The following TCERG1L variants were observed in gnomAD, a reference collection of about 807,000 sequenced individuals.
TCERG1L encodes the protein transcription elongation regulator 1 like.
A neutral mutation model predicts 56.3 loss-of-function variants in TCERG1L; 37 were observed. The observed-to-expected ratio is 0.66, with a 90% CI of 0.51 to 0.87. The LOEUF is 0.87. TCERG1L is among the 40% of genes least tolerant of loss of function. The probability of loss-of-function intolerance (pLI) is 0.00; values close to 1 mark genes in which losing one functional copy is unlikely to be tolerated. For synonymous variants in TCERG1L, 324 were observed against 326.3 expected, an observed-to-expected ratio of 0.99 and a Z score of 0.08; for missense variants, 799 against 774.2, an observed-to-expected ratio of 1.03 and a Z score of -0.38.
chr10:131,189,770 G>C (rs1382060215), intron 4 of TCERG1L, among the ~76,000 whole-genome samples: 1 of 152,098 alleles, frequency 6.6e-6, no homozygotes, highest in Non-Finnish European at 1.5e-5. Flanking sequence ...TTTTCATAGA[G>C]GTTGTACTAA....
intron 3 of TCERG1L, among the ~76,000 whole-genome samples, chr10:131,292,813 T>C (rs949997609): frequency 1.3e-5 from 2 of 152,044 alleles, no homozygotes; most frequent in African/African-American, 4.8e-5. Flanking sequence ...TAATGTGTTT[T>C]CGTGTCCATG....
At chr10:131,235,176 GAAA>G (rs1845900456) in intron 4 of TCERG1L, among the ~76,000 whole-genome samples, 2 of 152,202 alleles carry the variant, frequency 1.3e-5, no homozygotes, top group African/African-American at 4.8e-5. Context: ...CATCAACCAT[GAAA>G]ATGCTTATGC....
chr10:131,187,961 T>C (rs943690361), intron 4 of TCERG1L, among the ~76,000 whole-genome samples: 2 of 152,204 alleles, frequency 1.3e-5, no homozygotes, highest in African/African-American at 2.4e-5. Context: ...GGGGTAGATT[T>C]GGAGCTGAGT....
At position 131,113,555 on chromosome 10, in the gene TCERG1L, T is replaced by C. The variant is rs999583822; in HGVS notation, c.1395+3244A>G. Among the ~76,000 whole-genome samples the C allele has an allele frequency of 2.8e-5, 4 of 142,352 alleles. No homozygotes were observed. In the South Asian group the frequency reaches 7.8e-4, roughly 28 times the overall value. 93.4% of individuals were successfully genotyped at this position (142,352 alleles called of 152,430 possible). On this transcript the variant is annotated intron_variant, in intron 9 of 11. Coordinates refer to ENST00000368642, the MANE Select transcript of TCERG1L (RefSeq NM_174937.4). ...ACAGCCTCGCTGTCAACACCCATCT[T>C]AGCACAAGGAGAAATCGTCACAGCG...
intron 3 of TCERG1L, among the ~76,000 whole-genome samples, chr10:131,286,869 C>T (rs1219326008): frequency 6.6e-6 from 1 of 152,188 alleles, no homozygotes. Flanking sequence ...ACATGGGAGG[C>T]GTTAGCTCCA....
chr10:131,127,447 G>A (rs546920364), intron 8 of TCERG1L, among the ~76,000 whole-genome samples: 31 of 152,348 alleles, frequency 2.0e-4, no homozygotes, highest in Admixed American at 2.6e-4. Context: ...AGAGGCAGAC[G>A]TGAGCAGAAG....
chr10:131,176,954 G>T (rs1298329235), intron 4 of TCERG1L, among the ~76,000 whole-genome samples: 1 of 30,744 alleles, frequency 3.3e-5, no homozygotes, highest in African/African-American at 3.2e-4. Context: ...ACCAAGACAC[G>T]TGTACACACA....
intron 3 of TCERG1L, among the ~76,000 whole-genome samples, chr10:131,291,395 GCATTT>G (rs1302561217): frequency 2.2e-4 from 18 of 82,688 alleles, no homozygotes; most frequent in Middle Eastern, 0.011. Flanking sequence ...TCCATAAACA[GCATTT>G]CTTTTTTTTT....
chr10:131,282,489 G>A (rs1447235068), intron 3 of TCERG1L, among the ~76,000 whole-genome samples: 2 of 152,068 alleles, frequency 1.3e-5, no homozygotes, highest in East Asian at 1.9e-4. Context: ...CATAGCACCA[G>A]GAAGACAAGA....
intron 3 of TCERG1L, among the ~76,000 whole-genome samples, chr10:131,274,681 C>T (rs1056496261): frequency 2.0e-5 from 3 of 152,174 alleles, no homozygotes; most frequent in Admixed American, 6.5e-5. Flanking sequence ...TACTCACAGA[C>T]GTCAACTTTC....
intron 4 of TCERG1L, among the ~76,000 whole-genome samples, chr10:131,226,040 T>C (rs1220011455): frequency 1.3e-5 from 2 of 152,152 alleles, no homozygotes; most frequent in Non-Finnish European, 2.9e-5. Context: ...TGGGCTCAAG[T>C]GATCCTCCAG....
At chr10:131,207,766 C>A (rs1845557681) in intron 4 of TCERG1L, among the ~76,000 whole-genome samples, 2 of 152,132 alleles carry the variant, frequency 1.3e-5, no homozygotes, top group African/African-American at 4.8e-5. Context: ...GGAACCAGGA[C>A]CGCCCTCACA....
At chr10:131,190,085 C>T (rs568364284) in intron 4 of TCERG1L, among the ~76,000 whole-genome samples, 31 of 151,936 alleles carry the variant, frequency 2.0e-4, no homozygotes, top group African/African-American at 5.5e-4. Context: ...ACAATGAAGC[C>T]GGAGACATTA....
At chr10:131,096,525 A>G (rs765359732) in intron 11 of TCERG1L, among the ~76,000 whole-genome samples, 8 of 152,230 alleles carry the variant, frequency 5.3e-5, no homozygotes, top group Non-Finnish European at 8.8e-5. Flanking sequence ...AACTTAGGTC[A>G]CCTAATTCTT....
intron 4 of TCERG1L, among the ~76,000 whole-genome samples, chr10:131,202,098 T>C (rs72849729): frequency 0.094 from 14,379 of 152,252 alleles, 914 homozygotes; most frequent in Non-Finnish European, 0.13. Flanking sequence ...TTAATCCATT[T>C]CTTTCCAGAA....
chr10:131,185,962 A>G (rs1845237957), intron 4 of TCERG1L, among the ~76,000 whole-genome samples: 1 of 152,262 alleles, frequency 6.6e-6, no homozygotes, highest in Non-Finnish European at 1.5e-5. Context: ...AATGTACATG[A>G]GCATCAATGG....
chr10:131,281,255 C>T (rs1318794659), intron 3 of TCERG1L, among the ~76,000 whole-genome samples: 4 of 152,322 alleles, frequency 2.6e-5, no homozygotes, highest in Middle Eastern at 3.4e-3. Flanking sequence ...ATGTCTATCA[C>T]GGCGGCCTTG....
At position 131,135,290 on chromosome 10, in the gene TCERG1L, T is replaced by C. The variant is rs368218315; in HGVS notation, c.1190-842A>G. On this transcript the variant is annotated intron_variant, in intron 7 of 11. Coordinates refer to ENST00000368642, the MANE Select transcript of TCERG1L (RefSeq NM_174937.4). ...TGAACTAGTCTGGGCTGGGCAGAGC[T>C]TCCCTCCATCTTCCCATCCAGCCTT... 1.9e-4 allele frequency among the ~76,000 whole-genome samples: 29 copies of C among 152,234 alleles called. 1 individual carries two copies. In the South Asian group the frequency reaches 5.8e-3, roughly 30 times the overall value.
chr10:131,256,033 C>A (rs1379299607), intron 4 of TCERG1L, among the ~76,000 whole-genome samples: 1 of 152,104 alleles, frequency 6.6e-6, no homozygotes, highest in Admixed American at 6.5e-5. Context: ...ACGTGTTTCC[C>A]GCACACGCCA....
Sources: gnomAD v4.1 joint callset for allele counts (sites outside exome capture counted in the v4.1 genomes callset) on GRCh38, gnomAD v4.1.1 for gene constraint, MANE v1.5 for transcripts, NCBI Gene and HGNC (gene_info 2026-07-23, HGNC 2026-07-21) for gene names.